Variants in SORT1 observed in about 807,000 individuals in gnomAD.
SORT1 encodes the protein sortilin 1, also known as sortilin.
A neutral mutation model predicts 101.7 loss-of-function variants in SORT1; 39 were observed. The observed-to-expected ratio is 0.38, with a 90% CI of 0.30 to 0.50. The LOEUF (loss-of-function observed/expected upper bound fraction) is 0.50, where lower values mean the gene tolerates loss of function less well. Among genes scored for constraint, SORT1 ranks in the 20% least tolerant of loss-of-function variants. SORT1 has a pLI of 0.90. For missense variants in SORT1, 878 were observed against 1,040.4 expected (o/e 0.84, Z 2.15); for synonymous variants, 396 against 393.7 (o/e 1.01, Z -0.07).
At chr1:109,319,511 T>C (rs1047447307) in intron 15 of SORT1, among the ~76,000 whole-genome samples, 3 of 152,214 alleles carry the variant, frequency 2.0e-5, no homozygotes, top group Non-Finnish European at 4.4e-5. Flanking sequence ...TTACTTGTCC[T>C]ATTTTACTCA....
chr1:109,396,745 G>T (rs1411778283), intron 1 of SORT1, among the ~76,000 whole-genome samples: 1 of 152,186 alleles, frequency 6.6e-6, no homozygotes, highest in Non-Finnish European at 1.5e-5. Context: ...ATATAGAATT[G>T]AAAATACATT....
intron 11 of SORT1, among the ~76,000 whole-genome samples, chr1:109,330,011 T>G (rs1648353529): frequency 6.6e-6 from 1 of 151,504 alleles, no homozygotes. Flanking sequence ...TATCCTTTCT[T>G]TTTTTTTTGA....
chr1:109,365,394 G>A (rs894495342), intron 3 of SORT1, among the ~76,000 whole-genome samples: 1 of 152,128 alleles, frequency 6.6e-6, no homozygotes, highest in Non-Finnish European at 1.5e-5. Flanking sequence ...AGCTAATTTT[G>A]TGAGGAGGGA....
chr1:109,312,981 A>G lies in SORT1; in HGVS notation c.*1062T>C, dbSNP rs758016916. 4 of 152,230 alleles carry G rather than the reference A, an allele frequency of 2.6e-5. No homozygotes were observed. Among genetic ancestry groups the G allele is most frequent in the Admixed American group, 6.5e-5 (1 of 15,276 alleles). 9.4% of individuals were successfully genotyped at this position (152,230 alleles called of 1,614,324 possible). ...AATTTTTTAAGTCTATAAATCTGAA[A>G]AAATCTCTAGTCCTGGTTCCATGTA... On this transcript the variant is annotated 3_prime_UTR_variant, in exon 20 of 20. Transcript: ENST00000256637.
intron 11 of SORT1, among the ~76,000 whole-genome samples, chr1:109,333,560 C>G (rs1648599358): frequency 6.6e-6 from 1 of 151,996 alleles, no homozygotes; most frequent in Admixed American, 6.6e-5. Flanking sequence ...AGCAAGAAAA[C>G]AAATAATCCA....
In SORT1 at chr1:109,397,711, C is replaced by T; in HGVS notation, c.182G>A (p.Arg61Gln). 1 of 1,192,378 alleles carries T rather than the reference C, an allele frequency of 8.4e-7. No individual in the cohort carries two copies. The highest frequency in any genetic ancestry group is 2.8e-5 in the South Asian group (1 of 36,316). The allele number at this position is 1,192,378 out of a possible 1,614,324, so 73.9% of individuals were successfully genotyped here. ...SGPIGVSWGLRAAAAGGAFPR... is the reference protein window; with the variant it reads ...SGPIGVSWGLQAAAAGGAFPR... ...AAACGCGCCCCCGGCTGCGGCCGCC[C>T]GCAGCCCCCAGCTCACCCCGATGGG... Residue 61 changes from arginine (R) to glutamine (Q), a missense_variant, in exon 1 of 20, where the codon CGG (arginine) becomes CAG (glutamine). Transcript: ENST00000256637.
chr1:109,325,923 C>A (rs945678585), intron 13 of SORT1, among the ~76,000 whole-genome samples: 1 of 152,096 alleles, frequency 6.6e-6, no homozygotes, highest in African/African-American at 2.4e-5. Context: ...ATCATTTGAA[C>A]CTGGGAGGCA....
intron 3 of SORT1, among the ~76,000 whole-genome samples, chr1:109,358,915 C>T (rs1570948211): frequency 1.3e-5 from 2 of 151,630 alleles, no homozygotes; most frequent in South Asian, 4.2e-4. Context: ...ACACTAATAT[C>T]CATTTTCTGG....
intron 10 of SORT1, among the ~76,000 whole-genome samples, chr1:109,337,678 A>G (rs1201473777): frequency 6.6e-6 from 1 of 152,000 alleles, no homozygotes; most frequent in Non-Finnish European, 1.5e-5. Flanking sequence ...CCCAGGCTGG[A>G]GCGCAGTGGC....
chr1:109,314,150 CATT>C, intron 19 of SORT1, 93 bp from the exon 20 acceptor site: 2 of 1,603,324 alleles, frequency 1.2e-6, no homozygotes, highest in Non-Finnish European at 1.7e-6. Context: ...ATCTTATGGT[CATT>C]AAGTCGCCTT....
At chr1:109,393,446 G>A (rs1388702205) in intron 1 of SORT1, 13 of 302,818 alleles carry the variant, frequency 4.3e-5, no homozygotes, top group Non-Finnish European at 5.8e-5. Context: ...CTCTGGCCAA[G>A]GCATTTCATC....
chr1:109,397,851 C>T lies in SORT1; in HGVS notation c.42G>A (p.Trp14Ter). 1 of 1,291,060 alleles carries T rather than the reference C, an allele frequency of 7.7e-7. No individual in the cohort carries two copies. Among genetic ancestry groups the T allele is most frequent in the South Asian group, 1.8e-5 (1 of 56,630 alleles). 80.0% of individuals were successfully genotyped at this position (1,291,060 alleles called of 1,614,324 possible). ...GGAGGAGGAGGCCGAGGCCATGGGG[C>T]CAGCGCGAGAGGCCGTCCGCAGCTC... ...PWGAADGLSRWPHGLGLLLLL... is the reference protein window; with the variant it reads ...PWGAADGLSR The change falls in exon 1 of 20, where the codon TGG (tryptophan) becomes TGA (stop). Residue 14 changes from tryptophan to a stop codon, truncating the protein, a stop_gained. Transcript: ENST00000256637. LOFTEE classifies it high-confidence loss of function.
Position 109,314,043 on chromosome 1 carries a change from C to T in SORT1, c.2496G>A (p.Ter832=). The T allele has an allele frequency of 6.2e-7, 1 of 1,613,984 alleles. No homozygotes were observed. Among genetic ancestry groups the T allele is most frequent in the Non-Finnish European group, 8.5e-7 (1 of 1,179,874 alleles). The change falls in exon 20 of 20, where the codon TAG becomes TAA. Residue 832 remains the stop codon, a stop_retained_variant. Coordinates refer to ENST00000256637, the MANE Select transcript of SORT1 (RefSeq NM_002959.7). ...TGCTGGGTCCAGCTCCTCTGAAGAGCTATTCCAAGAGGTCCTGAAAAAGAC... is the reference window on the plus strand; with the variant it reads ...TGCTGGGTCCAGCTCCTCTGAAGAGTTATTCCAAGAGGTCCTGAAAAAGAC... ...HDDSDEDLLE[*]
chr1:109,376,263 G>A (rs1481811196), intron 1 of SORT1, among the ~76,000 whole-genome samples: 4 of 151,420 alleles, frequency 2.6e-5, no homozygotes, highest in African/African-American at 9.7e-5. Context: ...CCCGGGAGGC[G>A]GAGCTTGCAG....
chr1:109,348,341 C>G (rs993688525), intron 6 of SORT1, among the ~76,000 whole-genome samples: 15 of 149,426 alleles, frequency 1.0e-4, no homozygotes, highest in Non-Finnish European at 1.9e-4. Context: ...AACTAGAGAT[C>G]TAAAAAGGTG....
At chr1:109,370,812 CAGTA>C (rs1453447655) in intron 1 of SORT1, among the ~76,000 whole-genome samples, 2 of 152,184 alleles carry the variant, frequency 1.3e-5, no homozygotes, top group Non-Finnish European at 2.9e-5. Context: ...TTTGCACACT[CAGTA>C]AGCATTTGTT....
At position 109,322,806 on chromosome 1, in the gene SORT1, C is replaced by A. The variant is rs1647722444; in HGVS notation, c.2024+126G>T. ...CTGCCTGCCTTGGCATCCCAAAGTGCTGGGATTACAGGTGTGAGCCACCGC... is the reference window on the plus strand; with the variant it reads ...CTGCCTGCCTTGGCATCCCAAAGTGATGGGATTACAGGTGTGAGCCACCGC... On this transcript the variant is annotated intron_variant, in intron 15 of 19. Transcript: ENST00000256637. 5 of 713,892 alleles carry A rather than the reference C, an allele frequency of 7.0e-6. No homozygotes were observed. In the South Asian group the frequency reaches 7.7e-5, roughly 11 times the overall value. 44.2% of individuals were successfully genotyped at this position (713,892 alleles called of 1,614,324 possible). A position where few individuals can be genotyped will look rare whatever the true frequency, so the allele number is the denominator to read the frequency against.
intron 1 of SORT1, among the ~76,000 whole-genome samples, chr1:109,392,138 T>TA (rs1258980416): frequency 4.6e-5 from 7 of 152,082 alleles, no homozygotes; most frequent in South Asian, 2.1e-4. Flanking sequence ...TCACTTTCTG[T>TA]AAAAAAAATT....
At chr1:109,328,033 T>C (rs1648203266) in intron 11 of SORT1, among the ~76,000 whole-genome samples, 1 of 152,242 alleles carries the variant, frequency 6.6e-6, no homozygotes, top group South Asian at 2.1e-4. Context: ...CCATGTTGTA[T>C]TAATAGCATA....
Sources: allele counts gnomAD v4.1 joint callset (sites outside exome capture counted in the v4.1 genomes callset), GRCh38; gene constraint gnomAD v4.1.1; transcripts MANE v1.5; gene names NCBI Gene and HGNC (gene_info 2026-07-23, HGNC 2026-07-21).